Variants in TBC1D19 observed in about 807,000 individuals in gnomAD.
TBC1D19 encodes the protein TBC1 domain family, member 19.
Under a neutral mutation model 89.0 loss-of-function variants are expected in TBC1D19, and 60 were observed. That is an observed-to-expected ratio of 0.67 (90% CI 0.55 to 0.84). The LOEUF is 0.84. Among genes scored for constraint, TBC1D19 ranks in the 40% least tolerant of loss-of-function variants. The pLI, the probability that TBC1D19 is intolerant of heterozygous loss-of-function variation, is 0.00. For synonymous variants in TBC1D19, 189 were observed against 199.7 expected (o/e 0.95, Z 0.45); for missense variants, 500 against 610.8 (o/e 0.82, Z 1.91).
chr4:26,721,942 G>A (rs1434883025), intron 15 of TBC1D19, among the ~76,000 whole-genome samples: 1 of 152,076 alleles, frequency 6.6e-6, no homozygotes, highest in East Asian at 1.9e-4. Context: ...CCTCTTTCAG[G>A]AAGCTTTCCC....
chr4:26,700,884 A>G (rs925377029), intron 13 of TBC1D19, among the ~76,000 whole-genome samples: 2 of 152,196 alleles, frequency 1.3e-5, no homozygotes, highest in African/African-American at 4.8e-5. Flanking sequence ...CAGTAAAGTC[A>G]GAGTGGTCTT....
chr4:26,760,425 G>C (rs890657092), downstream of TBC1D19, among the ~76,000 whole-genome samples: 3 of 152,032 alleles, frequency 2.0e-5, no homozygotes, highest in Non-Finnish European at 2.9e-5. Context: ...AATTAGCCAG[G>C]CATGGTGGTG....
the TBC1D19 span, among the ~76,000 whole-genome samples, chr4:26,780,565 G>A: frequency 6.6e-6 from 1 of 152,264 alleles, no homozygotes; most frequent in Admixed American, 6.5e-5. Flanking sequence ...AGATGAGGTG[G>A]CTCAACAAAC....
At chr4:26,638,231 T>G (rs551098473) in intron 5 of TBC1D19, among the ~76,000 whole-genome samples, 3 of 151,924 alleles carry the variant, frequency 2.0e-5, no homozygotes, top group Non-Finnish European at 2.9e-5. Flanking sequence ...ATTTATTCCC[T>G]GTTGTTGGAC....
intron 1 of TBC1D19, among the ~76,000 whole-genome samples, chr4:26,602,020 T>G (rs1330666518): frequency 6.6e-6 from 1 of 152,184 alleles, no homozygotes. Context: ...TACTGGACAA[T>G]AAAAACAAGT....
intron 13 of TBC1D19, 124 bp downstream of exon 13, chr4:26,688,531 A>G (rs1714010327): frequency 1.6e-6 from 2 of 1,239,212 alleles, no homozygotes; most frequent in Non-Finnish European, 2.1e-6. Context: ...GTCGGATGAA[A>G]TGTTCTAAGT....
At chr4:26,754,774 AAAG>A (rs1181024814) in intron 20 of TBC1D19, 96 bp from the exon 21 acceptor site, 18 of 903,294 alleles carry the variant, frequency 2.0e-5, no homozygotes, top group Non-Finnish European at 2.6e-5. Flanking sequence ...GGACAAATCC[AAAG>A]AAGGAGCTTA....
chr4:26,695,565 A>C (rs185703329), intron 13 of TBC1D19, among the ~76,000 whole-genome samples: 3 of 152,272 alleles, frequency 2.0e-5, no homozygotes, highest in African/African-American at 7.2e-5. Flanking sequence ...TGTCGGACTC[A>C]TCAAGTTGAA....
At chr4:26,589,138 G>A (rs1428700509) in intron 1 of TBC1D19, among the ~76,000 whole-genome samples, 2 of 152,098 alleles carry the variant, frequency 1.3e-5, no homozygotes, top group Non-Finnish European at 2.9e-5. Flanking sequence ...AGCCAGGTGT[G>A]GTGGTGCATT....
the TBC1D19 span, among the ~76,000 whole-genome samples, chr4:26,775,140 T>C: frequency 6.6e-6 from 1 of 152,170 alleles, no homozygotes; most frequent in Non-Finnish European, 1.5e-5. Flanking sequence ...GCTTGTACCC[T>C]CCAAAACTCA....
chr4:26,592,406 G>A (rs1287113278), intron 1 of TBC1D19, among the ~76,000 whole-genome samples: 1 of 152,192 alleles, frequency 6.6e-6, no homozygotes, highest in Non-Finnish European at 1.5e-5. Flanking sequence ...AAAACTGGAA[G>A]CATTCCCTTT....
chr4:26,792,509 G>A, the TBC1D19 span, among the ~76,000 whole-genome samples: 2 of 152,210 alleles, frequency 1.3e-5, 1 homozygote, highest in Non-Finnish European at 2.9e-5. Context: ...AGGCCCAGCT[G>A]GAGGCGAATA....
At chr4:26,732,216 G>A (rs1043836974) in intron 15 of TBC1D19, among the ~76,000 whole-genome samples, 4 of 152,016 alleles carry the variant, frequency 2.6e-5, no homozygotes, top group African/African-American at 9.7e-5. Flanking sequence ...ACCACTATCC[G>A]GCTGAAGACC....
intron 7 of TBC1D19, among the ~76,000 whole-genome samples, chr4:26,652,382 C>T (rs1277761044): frequency 6.6e-6 from 1 of 152,134 alleles, no homozygotes; most frequent in Non-Finnish European, 1.5e-5. Flanking sequence ...ATTATTGCCT[C>T]AATTTCAGAG....
intron 11 of TBC1D19, among the ~76,000 whole-genome samples, chr4:26,675,359 A>C (rs1712711059): frequency 6.6e-6 from 1 of 152,046 alleles, no homozygotes; most frequent in East Asian, 1.9e-4. Flanking sequence ...GTGTTCAAAA[A>C]TCATTTTTAC....
chr4:26,619,198 C>A (rs928958991), intron 3 of TBC1D19, among the ~76,000 whole-genome samples: 2 of 151,588 alleles, frequency 1.3e-5, no homozygotes, highest in African/African-American at 4.8e-5. Context: ...AAATTTTAAT[C>A]CTAAATTTCT....
chr4:26,639,010 A>G (rs1293065448), intron 6 of TBC1D19, among the ~76,000 whole-genome samples, 176 bp downstream of exon 6: 1 of 152,158 alleles, frequency 6.6e-6, no homozygotes, highest in Non-Finnish European at 1.5e-5. Context: ...CCCAGACACC[A>G]CATGCAACTA....
At chr4:26,678,629 G>C (rs1334565810) in intron 11 of TBC1D19, among the ~76,000 whole-genome samples, 2 of 151,900 alleles carry the variant, frequency 1.3e-5, no homozygotes, top group African/African-American at 4.8e-5. Context: ...AAATGGGACA[G>C]GGAAACAATC....
chr4:26,601,231 G>C (rs1446394970), intron 1 of TBC1D19, among the ~76,000 whole-genome samples: 1 of 151,942 alleles, frequency 6.6e-6, no homozygotes, highest in African/African-American at 2.4e-5. Context: ...CTGTTCTACG[G>C]TCTGTCTCTA....
Sources: gnomAD v4.1 joint callset for allele counts (sites outside exome capture counted in the v4.1 genomes callset) on GRCh38, gnomAD v4.1.1 for gene constraint, MANE v1.5 for transcripts, NCBI Gene and HGNC (gene_info 2026-07-23, HGNC 2026-07-21) for gene names.